The following CGNL1 variants were observed in gnomAD, a reference collection of about 807,000 sequenced individuals.
CGNL1 encodes cingulin-like protein 1.
In CGNL1, 132 loss-of-function variants were observed where a neutral mutation model predicts 141.2. That is an observed-to-expected ratio of 0.93 (90% confidence interval 0.81 to 1.08). CGNL1 has a LOEUF of 1.08. Ranked by LOEUF, CGNL1 falls within the 50% of genes least tolerant of loss-of-function variation. The pLI is 0.00. For missense variants in CGNL1, 1,870 were observed against 1,588.6 expected (o/e 1.18, Z -3.01); for synonymous variants, 690 against 622.1 (o/e 1.11, Z -1.63).
chr15:57,470,673 G>C (rs1391754449), intron 8 of CGNL1, among the ~76,000 whole-genome samples: 2 of 152,198 alleles, frequency 1.3e-5, no homozygotes, highest in African/African-American at 4.8e-5. Flanking sequence ...TGTGTTTTCT[G>C]TGCCAGCGCG....
intron 7 of CGNL1, among the ~76,000 whole-genome samples, chr15:57,460,055 A>G (rs1279095210): frequency 1.3e-5 from 2 of 152,222 alleles, no homozygotes; most frequent in Non-Finnish European, 2.9e-5. Flanking sequence ...GCAAAGTTGC[A>G]ATCTTGGAGA....
At chr15:57,418,712 G>T (rs1675419225) in intron 1 of CGNL1, among the ~76,000 whole-genome samples, 1 of 152,196 alleles carries the variant, frequency 6.6e-6, no homozygotes. Flanking sequence ...GTGATGCTGT[G>T]TGTTCACGGG....
chr15:57,408,188 T>G (rs2062744607), intron 1 of CGNL1, among the ~76,000 whole-genome samples: 2 of 152,052 alleles, frequency 1.3e-5, no homozygotes, highest in Non-Finnish European at 2.9e-5. Context: ...AAGAAAATAG[T>G]CTATCCCACG....
Position 57,528,981 on chromosome 15 carries a change from A to G in CGNL1, c.3201+166A>G, listed in dbSNP as rs1304045241. The G allele has an allele frequency of 6.3e-6, 4 of 635,948 alleles. No individual in the cohort carries two copies. In the Admixed American group the frequency reaches 1.2e-4, roughly 19 times the overall value. 39.4% of individuals were successfully genotyped at this position (635,948 alleles called of 1,614,324 possible). A position where few individuals can be genotyped will look rare whatever the true frequency, so the allele number is the denominator to read the frequency against. On this transcript the variant is annotated intron_variant, in intron 13 of 18. Coordinates refer to ENST00000281282, the MANE Select transcript of CGNL1 (RefSeq NM_032866.5). ...TATTTCTTGATTGAAGGAAGGGGCCAGTCATTTATAGACTCAGGACATCAG... is the reference window on the plus strand; with the variant it reads ...TATTTCTTGATTGAAGGAAGGGGCCGGTCATTTATAGACTCAGGACATCAG...
At chr15:57,471,323 G>A (rs1324672156) in intron 8 of CGNL1, among the ~76,000 whole-genome samples, 1 of 152,188 alleles carries the variant, frequency 6.6e-6, no homozygotes, top group Non-Finnish European at 1.5e-5. Flanking sequence ...CACAGTGCAG[G>A]AAGAACTGAT....
chr15:57,518,382 T>A lies in CGNL1; in HGVS notation c.2611-11T>A. 6.3e-7 allele frequency: 1 copy of A among 1,598,182 alleles called. No homozygotes were observed. Among genetic ancestry groups the A allele is most frequent in the Non-Finnish European group, 8.6e-7 (1 of 1,166,424 alleles). On this transcript the variant is annotated splice_polypyrimidine_tract_variant and intron_variant, in intron 9 of 18. Coordinates refer to ENST00000281282, the MANE Select transcript of CGNL1 (RefSeq NM_032866.5). ...CATCTAAGTGCACACTGACCCAGTG[T>A]TTCATTGTAGGGAGAAATACGACAG...
At chr15:57,503,605 G>C (rs1415693135) in intron 8 of CGNL1, among the ~76,000 whole-genome samples, 2 of 152,138 alleles carry the variant, frequency 1.3e-5, no homozygotes, top group Non-Finnish European at 2.9e-5. Context: ...GAAGGGGTGT[G>C]TTATTAATCC....
intron 1 of CGNL1, among the ~76,000 whole-genome samples, chr15:57,404,578 C>T (rs2062694605): frequency 1.3e-5 from 2 of 152,136 alleles, no homozygotes; most frequent in African/African-American, 4.8e-5. Context: ...TTTAGTTATT[C>T]TGCAGCTACT....
intron 8 of CGNL1, among the ~76,000 whole-genome samples, chr15:57,498,027 C>T (rs2063966777): frequency 6.6e-6 from 1 of 152,136 alleles, no homozygotes; most frequent in Non-Finnish European, 1.5e-5. Flanking sequence ...CACACTGTGG[C>T]ATGTGCTGTT....
In CGNL1 at chr15:57,438,874, G is replaced by C. The variant is rs2063144266; in HGVS notation, c.875G>C (p.Arg292Pro). The change falls in exon 2 of 19, where the codon CGG (arginine) becomes CCG (proline). Residue 292 changes from arginine to proline, a missense_variant. Arg to Pro is a moderately radical substitution (Grantham distance 103). Transcript: ENST00000281282. ...GCGGGACCCGTCCTGGATGGAGCTC[G>C]GTCCCGGAGGTCCTCCTCGTCATCC... ...DSAGPVLDGA[R>P]SRRSSSSSTT... The C allele has an allele frequency of 3.7e-6, 6 of 1,614,024 alleles. No homozygotes were observed. Among genetic ancestry groups the C allele is most frequent in the Admixed American group, 1.7e-5 (1 of 60,004 alleles).
intron 1 of CGNL1, chr15:57,407,149 C>G (rs1274811364): frequency 1.3e-5 from 2 of 152,172 alleles, no homozygotes; most frequent in African/African-American, 4.8e-5. Context: ...ATTTCAAGAC[C>G]TTCCGTTAAG....
At chr15:57,400,614 G>GT (rs761016810) in intron 1 of CGNL1, among the ~76,000 whole-genome samples, 16 of 152,054 alleles carry the variant, frequency 1.1e-4, no homozygotes, top group Non-Finnish European at 1.9e-4. Flanking sequence ...CGGGCATGGT[G>GT]GCTCATGCCT....
At chr15:57,432,487 A>C (rs2063056672) in intron 1 of CGNL1, among the ~76,000 whole-genome samples, 1 of 152,246 alleles carries the variant, frequency 6.6e-6, no homozygotes, top group Non-Finnish European at 1.5e-5. Flanking sequence ...ATCATTTAGC[A>C]GTCTTTTCAT....
chr15:57,426,510 A>G (rs2062976407), intron 1 of CGNL1, among the ~76,000 whole-genome samples: 2 of 150,602 alleles, frequency 1.3e-5, no homozygotes, highest in Non-Finnish European at 3.0e-5. Flanking sequence ...ATAGTAGTGC[A>G]ATCATGGCTC....
chr15:57,407,137 G>A (rs2062732303), intron 1 of CGNL1: 1 of 152,190 alleles, frequency 6.6e-6, no homozygotes, highest in Non-Finnish European at 1.5e-5. Context: ...TATACATGAA[G>A]AATTTCAAGA....
Position 57,438,997 on chromosome 15 carries a change from G to A in CGNL1, c.998G>A (p.Arg333Lys). 2 of 1,614,132 alleles carry A rather than the reference G, an allele frequency of 1.2e-6. No homozygotes were observed. The highest frequency in any genetic ancestry group is 1.7e-6 in the Non-Finnish European group (2 of 1,180,022). The change falls in exon 2 of 19, where the codon AGG becomes AAG. Residue 333 changes from arginine (R) to lysine (K), a missense_variant. Physicochemically the swap from Arg to Lys is conservative, Grantham distance 26. Transcript: ENST00000281282. ...AACGTCAATCGTCATGAAAACAGAAGGTATATTCCCTTCCTGCCAGGAACT... is the reference window on the plus strand; with the variant it reads ...AACGTCAATCGTCATGAAAACAGAAAGTATATTCCCTTCCTGCCAGGAACT... ...ADNVNRHENR[R>K]YIPFLPGTGR...
chr15:57,490,077 A>T (rs957063182), intron 8 of CGNL1, among the ~76,000 whole-genome samples: 4 of 152,136 alleles, frequency 2.6e-5, no homozygotes, highest in Non-Finnish European at 5.9e-5. Context: ...TCTACTGTAG[A>T]CTGGACTTTT....
At chr15:57,523,358 ATCT>A (rs2140135183) in intron 10 of CGNL1, 128 bp from the exon 11 acceptor site, 14 of 744,000 alleles carry the variant, frequency 1.9e-5, no homozygotes, top group South Asian at 1.9e-4. Context: ...CTTTATTTTG[ATCT>A]TCTTCCTCAT....
chr15:57,487,648 A>G (rs1470531292), intron 8 of CGNL1, among the ~76,000 whole-genome samples: 1 of 152,208 alleles, frequency 6.6e-6, no homozygotes, highest in African/African-American at 2.4e-5. Flanking sequence ...TACAGAACCA[A>G]GTGATTAGAA....
Sources: allele counts gnomAD v4.1 joint callset (sites outside exome capture counted in the v4.1 genomes callset), GRCh38; gene constraint gnomAD v4.1.1; transcripts MANE v1.5; gene names NCBI Gene and HGNC (gene_info 2026-07-23, HGNC 2026-07-21).